The following RECQL variants were observed in gnomAD, a reference collection of about 807,000 sequenced individuals.
The protein encoded by RECQL is ATP-dependent DNA helicase Q1.
RECQL carries 73 observed loss-of-function variants against 75.8 expected under a neutral mutation model. That is an observed-to-expected ratio of 0.96 (90% CI 0.80 to 1.17). The LOEUF is 1.17. RECQL is among the 50% of genes most tolerant of loss of function. RECQL has a pLI of 0.00. For missense variants in RECQL, 699 were observed against 772.1 expected (o/e 0.91, Z 1.12); for synonymous variants, 248 against 254.4 (o/e 0.97, Z 0.24).
chr12:21,470,801 A>G, intron 14 of RECQL, 168 bp downstream of exon 14: 1 of 450,726 alleles, frequency 2.2e-6, no homozygotes, highest in East Asian at 3.9e-5. Context: ...TCTTTCACTT[A>G]CATCTTTACA....
intron 6 of RECQL, 86 bp from the exon 7 acceptor site, chr12:21,478,055 G>A (rs1943120282): frequency 1.5e-6 from 2 of 1,332,606 alleles, no homozygotes; most frequent in African/African-American, 1.5e-5. Flanking sequence ...GATAATCGAT[G>A]ACTACTATGA....
At chr12:21,491,491 T>C in intron 3 of RECQL, 28 bp downstream of exon 3, 3 of 1,336,250 alleles carry the variant, frequency 2.2e-6, no homozygotes, top group African/African-American at 3.7e-5. Flanking sequence ...GAAATAAAAC[T>C]AGCAAAAAAA....
intron 2 of RECQL, among the ~76,000 whole-genome samples, chr12:21,496,982 C>T (rs1943520742): frequency 6.6e-6 from 1 of 152,158 alleles, no homozygotes; most frequent in Non-Finnish European, 1.5e-5. Flanking sequence ...ATAGATGAGT[C>T]ACAACAAAGA....
Position 21,471,460 on chromosome 12 carries a change from A to C in RECQL, c.1635T>G (p.Ile545Met). ...PTLPREDLEK[I>M]IAHFLIQQYL... ...ACTGCTGTATTAGAAAGTGTGCAAT[A>C]ATCTTCTCCAGATCTTCACGAGGAA... The change falls in exon 13 of 15, where the codon ATT (isoleucine) becomes ATG (methionine). Residue 545 changes from isoleucine to methionine, a missense_variant. This residue lies in a region of RECQL where 669 missense variants were observed against 713.5 expected (regional missense o/e 0.94). Coordinates refer to ENST00000444129, the MANE Select transcript of RECQL (RefSeq NM_002907.4). The C allele has an allele frequency of 4.3e-6, 7 of 1,613,042 alleles. No individual in the cohort carries two copies. The highest frequency in any genetic ancestry group is 5.9e-6 in the Non-Finnish European group (7 of 1,179,340).
chr12:21,488,174 C>T (rs1430079591), intron 4 of RECQL, among the ~76,000 whole-genome samples: 1 of 152,164 alleles, frequency 6.6e-6, no homozygotes, highest in Non-Finnish European at 1.5e-5. Flanking sequence ...AGTCCTTTGT[C>T]ATTAAACTCA....
intron 11 of RECQL, among the ~76,000 whole-genome samples, chr12:21,474,035 T>C (rs1943035002): frequency 1.3e-5 from 2 of 152,114 alleles, no homozygotes; most frequent in Admixed American, 6.6e-5. Context: ...AGGACTTTTT[T>C]CCCCACATAT....
At chr12:21,479,448 GT>G (rs1170208864) in intron 6 of RECQL, among the ~76,000 whole-genome samples, 1 of 150,692 alleles carries the variant, frequency 6.6e-6, no homozygotes, top group African/African-American at 2.4e-5. Context: ...CACCTCCCGG[GT>G]TCACGCCATT....
At chr12:21,475,967 T>C (rs1943080538) in intron 8 of RECQL, 143 bp from the exon 9 acceptor site, 3 of 646,090 alleles carry the variant, frequency 4.6e-6, no homozygotes, top group Non-Finnish European at 7.7e-6. Context: ...CTTGTGCATA[T>C]ATTGACATTT....
chr12:21,473,582 G>T lies in RECQL; in HGVS notation c.1416C>A (p.Asn472Lys), dbSNP rs755294309. Residue 472 changes from asparagine to lysine, a missense_variant, in exon 12 of 15, where the codon AAC becomes AAA. Transcript: ENST00000444129. ...FDEVWNSEACNKMCDNCCKDS... is the reference protein window; with the variant it reads ...FDEVWNSEACKKMCDNCCKDS... ...CTTTACAGCAGTTATCGCACATTTTGTTACATGCTTCTGAGTTCCATACTT... is the reference window on the plus strand; with the variant it reads ...CTTTACAGCAGTTATCGCACATTTTTTTACATGCTTCTGAGTTCCATACTT... 1 of 1,612,754 alleles carries T rather than the reference G, an allele frequency of 6.2e-7. No individual in the cohort carries two copies. The highest frequency in any genetic ancestry group is 8.5e-7 in the Non-Finnish European group (1 of 1,179,202).
intron 5 of RECQL, among the ~76,000 whole-genome samples, chr12:21,484,367 T>C (rs1943249982): frequency 6.6e-6 from 1 of 152,198 alleles, no homozygotes; most frequent in Non-Finnish European, 1.5e-5. Context: ...AGAGTAGGGA[T>C]ATATCATGAA....
chr12:21,499,063 T>C (rs1179365105), intron 2 of RECQL, among the ~76,000 whole-genome samples: 1 of 152,138 alleles, frequency 6.6e-6, no homozygotes, highest in Non-Finnish European at 1.5e-5. Context: ...ACCTGCTCTT[T>C]TGGGGAAGGG....
At position 21,475,534 on chromosome 12, in the gene RECQL, T is replaced by C. The variant is rs761986363; in HGVS notation, c.1150A>G (p.Arg384Gly). The C allele has an allele frequency of 5.0e-6, 8 of 1,612,934 alleles. No homozygotes were observed. Among genetic ancestry groups the C allele is most frequent in the Non-Finnish European group, 6.8e-6 (8 of 1,179,282 alleles). ...CTCATTGAATGATGGATAACAAACC[T>C]CACATCTGGCTTATCAATTCCCATA... Reference protein sequence around the residue: ...FGMGIDKPDVRFVIHHSMSKS... With the variant: ...FGMGIDKPDVGFVIHHSMSKS... Residue 384 changes from arginine (R) to glycine (G), a missense_variant, in exon 10 of 15, where the codon AGG becomes GGG. Physicochemically the swap from Arg to Gly is moderately radical, Grantham distance 125 (BLOSUM62 -2). Around this residue, in one of 2 missense-constraint regions of RECQL, gnomAD observed 669 missense variants for 713.5 expected, o/e 0.94. Transcript: ENST00000444129.
At chr12:21,484,248 T>C (rs1050057056) in intron 5 of RECQL, among the ~76,000 whole-genome samples, 2 of 152,100 alleles carry the variant, frequency 1.3e-5, no homozygotes, top group African/African-American at 2.4e-5. Flanking sequence ...GTGAATGAGA[T>C]AGAAAGAGAC....
intron 2 of RECQL, among the ~76,000 whole-genome samples, chr12:21,496,488 T>G (rs576995124): frequency 1.9e-4 from 29 of 152,354 alleles, no homozygotes; most frequent in African/African-American, 6.7e-4. Context: ...GCTGCAGGGA[T>G]CCTGATTCCC....
At chr12:21,475,053 A>G in intron 10 of RECQL, 74 bp from the exon 11 acceptor site, 1 of 1,463,684 alleles carries the variant, frequency 6.8e-7, no homozygotes, top group Non-Finnish European at 9.4e-7. Context: ...ACATATGGTA[A>G]AATTAGCAGG....
intron 5 of RECQL, 78 bp from the exon 6 acceptor site, chr12:21,483,652 G>C: frequency 2.9e-6 from 3 of 1,043,320 alleles, no homozygotes; most frequent in Non-Finnish European, 4.1e-6. Flanking sequence ...AAATGAAAAC[G>C]TTCATTTCTC....
In RECQL at chr12:21,483,389, A is replaced by T; in HGVS notation, c.687T>A (p.His229Gln). 6.2e-7 allele frequency: 1 copy of T among 1,601,496 alleles called. No individual in the cohort carries two copies. The highest frequency in any genetic ancestry group is 8.5e-7 in the Non-Finnish European group (1 of 1,176,146). Reference protein sequence around the residue: ...DEVHCCSQWGHDFRPDYKALG... With the variant: ...DEVHCCSQWGQDFRPDYKALG... The stretch of plus-strand genomic sequence containing the variant: ...AAACATACATACCAGGTCTGAAATC[A>T]TGTCCCCACTGACTACAGCAGTGAA... Residue 229 changes from histidine (H) to glutamine (Q), a missense_variant, in exon 6 of 15, where the codon CAT (histidine) becomes CAA (glutamine). Around this residue, in one of 2 missense-constraint regions of RECQL, gnomAD observed 669 missense variants for 713.5 expected, o/e 0.94. Coordinates refer to ENST00000444129, the MANE Select transcript of RECQL (RefSeq NM_002907.4).
chr12:21,490,081 A>C, intron 4 of RECQL, 118 bp downstream of exon 4: 1 of 512,046 alleles, frequency 2.0e-6, no homozygotes, highest in Non-Finnish European at 3.3e-6. Context: ...AGAAGAAATC[A>C]AACAAAAATG....
intron 4 of RECQL, among the ~76,000 whole-genome samples, chr12:21,488,754 G>T (rs1403737082): frequency 6.6e-6 from 1 of 152,090 alleles, no homozygotes; most frequent in Non-Finnish European, 1.5e-5. Context: ...GATGTATCTG[G>T]AATTCATCTA....
Sources: gnomAD v4.1 joint callset for allele counts (sites outside exome capture counted in the v4.1 genomes callset) on GRCh38, gnomAD v4.1.1 for gene constraint, gnomAD v4.1.1 regional missense constraint, MANE v1.5 for transcripts, NCBI Gene and HGNC (gene_info 2026-07-23, HGNC 2026-07-21) for gene names.